SOX6: variants seen among roughly 807,000 people sequenced by gnomAD.
The protein encoded by SOX6 is transcription factor SOX-6.
A neutral mutation model predicts 97.8 loss-of-function variants in SOX6; 11 were observed. The observed-to-expected ratio is 0.11, with a 90% CI of 0.07 to 0.19. SOX6 has a LOEUF of 0.19. SOX6 is among the 10% of genes least tolerant of loss of function. SOX6 has a pLI of 1.00. For synonymous variants in SOX6, 360 were observed against 371.4 expected, an observed-to-expected ratio of 0.97 and a Z score of 0.35; for missense variants, 810 against 1,039.5, an observed-to-expected ratio of 0.78 and a Z score of 3.04.
At chr11:16,501,376 A>G (rs568078897) in intron 4 of SOX6, among the ~76,000 whole-genome samples, 82 of 152,324 alleles carry the variant, frequency 5.4e-4, no homozygotes, top group African/African-American at 1.9e-3. Context: ...AACCTAGGCA[A>G]TACCATTCAG....
intron 4 of SOX6, among the ~76,000 whole-genome samples, chr11:16,546,234 T>C (rs992966164): frequency 2.6e-5 from 4 of 152,214 alleles, no homozygotes; most frequent in African/African-American, 9.6e-5. Context: ...CCCATGCTCA[T>C]GTATTGGTAG....
At chr11:16,600,996 T>C (rs1270843967) in intron 4 of SOX6, among the ~76,000 whole-genome samples, 1 of 152,128 alleles carries the variant, frequency 6.6e-6, no homozygotes, top group Non-Finnish European at 1.5e-5. Context: ...GTAGAAAATA[T>C]ACAGTCAGGA....
intron 1 of SOX6, among the ~76,000 whole-genome samples, chr11:16,452,082 T>G (rs1162456209): frequency 6.6e-6 from 1 of 152,144 alleles, no homozygotes; most frequent in African/African-American, 2.4e-5. Flanking sequence ...ATGTGTGTGT[T>G]GAGTACAGCT....
intron 4 of SOX6, among the ~76,000 whole-genome samples, chr11:16,556,939 T>C (rs969942628): frequency 1.3e-5 from 2 of 151,794 alleles, no homozygotes; most frequent in East Asian, 3.9e-4. Flanking sequence ...ACCTTTTCTT[T>C]ATTCTTACAT....
At chr11:16,368,829 T>C (rs1020772430) in intron 1 of SOX6, among the ~76,000 whole-genome samples, 9 of 152,218 alleles carry the variant, frequency 5.9e-5, no homozygotes, top group Non-Finnish European at 1.0e-4. Context: ...AAATCATATA[T>C]CTAATAACGG....
At chr11:16,522,032 T>C (rs929263229) in intron 4 of SOX6, among the ~76,000 whole-genome samples, 13 of 152,106 alleles carry the variant, frequency 8.5e-5, no homozygotes, top group African/African-American at 2.4e-5. Context: ...ACAGGAAGAA[T>C]GGAACCAAGT....
intron 4 of SOX6, among the ~76,000 whole-genome samples, chr11:16,516,618 A>T (rs1860978574): frequency 6.6e-6 from 1 of 151,688 alleles, no homozygotes; most frequent in Non-Finnish European, 1.5e-5. Context: ...CTCTCCCAAG[A>T]CTAAACCAGG....
Position 16,234,683 on chromosome 11 carries a change from C to T in SOX6, c.446-12G>A. The T allele has an allele frequency of 7.1e-7, 1 of 1,404,642 alleles. No homozygotes were observed. The highest frequency in any genetic ancestry group is 2.4e-5 in the East Asian group (1 of 40,992). The allele number at this position is 1,404,642 out of a possible 1,614,324, so 87.0% of individuals were successfully genotyped here. ...CATGCAGGAGGAATCTATTAAAATA[C>T]AAAAGTAAGTATTAAAAATATATAT... On this transcript the variant is annotated splice_polypyrimidine_tract_variant and intron_variant, in intron 3 of 15. Coordinates refer to ENST00000683767, the MANE Select transcript of SOX6 (RefSeq NM_001367873.1).
intron 12 of SOX6, chr11:16,023,092 A>G (rs1855114560): frequency 6.6e-6 from 1 of 152,074 alleles, no homozygotes; most frequent in African/African-American, 2.4e-5. Context: ...GCCTAATTAA[A>G]ACATCTGCTC....
chr11:16,192,328 A>C (rs1416986565), intron 4 of SOX6, among the ~76,000 whole-genome samples: 1 of 152,212 alleles, frequency 6.6e-6, no homozygotes, highest in African/African-American at 2.4e-5. Flanking sequence ...AAGACCTTTA[A>C]AATTGACACA....
chr11:16,333,707 C>T (rs2134328077), intron 2 of SOX6, among the ~76,000 whole-genome samples: 1 of 152,168 alleles, frequency 6.6e-6, no homozygotes, highest in East Asian at 1.9e-4. Context: ...TCACGCTAGA[C>T]TAGATTATAC....
intron 9 of SOX6, among the ~76,000 whole-genome samples, chr11:16,067,318 T>C (rs903658654): frequency 6.6e-6 from 1 of 152,148 alleles, no homozygotes; most frequent in Non-Finnish European, 1.5e-5. Flanking sequence ...ATAATCCCCA[T>C]GTGTTGTGGA....
At chr11:16,492,122 G>A (rs1285499385) in intron 4 of SOX6, among the ~76,000 whole-genome samples, 1 of 152,074 alleles carries the variant, frequency 6.6e-6, no homozygotes, top group Non-Finnish European at 1.5e-5. Flanking sequence ...TACCCAAAAC[G>A]GGAAAAGTAG....
intron 5 of SOX6, among the ~76,000 whole-genome samples, chr11:16,185,011 G>A (rs2134103807): frequency 6.6e-6 from 1 of 152,280 alleles, no homozygotes; most frequent in African/African-American, 2.4e-5. Flanking sequence ...GAAAATGAGT[G>A]TAAATCAGTT....
chr11:16,268,326 T>C (rs1288729174), intron 3 of SOX6, among the ~76,000 whole-genome samples: 1 of 151,228 alleles, frequency 6.6e-6, no homozygotes, highest in African/African-American at 2.4e-5. Flanking sequence ...TGTCAATACA[T>C]AACATTAAAA....
intron 12 of SOX6, among the ~76,000 whole-genome samples, chr11:16,019,430 G>A (rs1033626868): frequency 1.3e-5 from 2 of 152,002 alleles, no homozygotes; most frequent in African/African-American, 2.4e-5. Flanking sequence ...ATACAACTAA[G>A]GGGCCATTAT....
exon 1 of SOX6, chr11:16,738,430 T>C (rs1045033904): frequency 1.0e-5 from 4 of 387,942 alleles, no homozygotes; most frequent in African/African-American, 8.1e-5. Context: ...CTCACCGCCA[T>C]ACACATCCGC....
chr11:16,088,825 G>A (rs1419913284), intron 9 of SOX6, among the ~76,000 whole-genome samples: 2 of 152,172 alleles, frequency 1.3e-5, no homozygotes, highest in East Asian at 1.9e-4. Flanking sequence ...GGCTTCAAAT[G>A]AGCACTGTAG....
intron 4 of SOX6, among the ~76,000 whole-genome samples, chr11:16,491,296 C>A (rs2133132732): frequency 6.6e-6 from 1 of 152,186 alleles, no homozygotes; most frequent in Middle Eastern, 3.4e-3. Context: ...TCACAAATAT[C>A]AAATACCTAG....
Sources: gnomAD v4.1 joint callset for allele counts (sites outside exome capture counted in the v4.1 genomes callset) on GRCh38, gnomAD v4.1.1 for gene constraint, MANE v1.5 for transcripts, NCBI Gene and HGNC (gene_info 2026-07-23, HGNC 2026-07-21) for gene names.